Variants in ZMAT4 observed in about 807,000 individuals in gnomAD.
ZMAT4 encodes the protein zinc finger matrin-type protein 4.
Under a neutral mutation model 28.7 loss-of-function variants are expected in ZMAT4, and 17 were observed. That is an observed-to-expected ratio of 0.59 (90% CI 0.41 to 0.89). The LOEUF is 0.89. Among genes scored for constraint, ZMAT4 ranks in the 40% least tolerant of loss-of-function variants. ZMAT4 has a pLI of 0.00. For missense variants in ZMAT4, 240 were observed against 283.8 expected (o/e 0.85, Z 1.11); for synonymous variants, 117 against 109.2 (o/e 1.07, Z -0.44).
At chr8:40,805,385 T>C (rs1324441144) in intron 2 of ZMAT4, among the ~76,000 whole-genome samples, 1 of 149,240 alleles carries the variant, frequency 6.7e-6, no homozygotes, top group Non-Finnish European at 1.5e-5. Flanking sequence ...GTGTGGCAAT[T>C]CCTCAGGGAT....
chr8:40,859,536 C>T (rs760781671), intron 1 of ZMAT4, among the ~76,000 whole-genome samples: 1 of 152,090 alleles, frequency 6.6e-6, no homozygotes, highest in Non-Finnish European at 1.5e-5. Flanking sequence ...AATTACAGGC[C>T]CAGCTATTGC....
intron 1 of ZMAT4, among the ~76,000 whole-genome samples, chr8:40,879,347 C>T (rs1324853933): frequency 6.6e-6 from 1 of 152,152 alleles, no homozygotes; most frequent in Non-Finnish European, 1.5e-5. Context: ...CCCTTGAACC[C>T]AGGACTTCCA....
chr8:40,741,150 T>TA (rs1331575953), intron 3 of ZMAT4, among the ~76,000 whole-genome samples: 1 of 152,018 alleles, frequency 6.6e-6, no homozygotes, highest in Non-Finnish European at 1.5e-5. Flanking sequence ...TGTGAAGGTT[T>TA]AAAAAAGACA....
rs115007315 is a variant in ZMAT4, at chr8:40,620,977, C to T, written c.578-39716G>A. On this transcript the variant is annotated intron_variant, in intron 5 of 6. Coordinates refer to ENST00000297737, the MANE Select transcript of ZMAT4 (RefSeq NM_024645.3). ...AGGAAACTAGTAAAGTCTTGATGGA[C>T]TTATTTATATTCTAATATTAGCAAC... Among the ~76,000 whole-genome samples the T allele has an allele frequency of 2.1e-3, 321 of 152,280 alleles. 1 individual carries two copies. The highest frequency in any genetic ancestry group is 7.2e-3 in the African/African-American group (300 of 41,556).
intron 3 of ZMAT4, among the ~76,000 whole-genome samples, chr8:40,711,327 A>G (rs1810610007): frequency 6.6e-6 from 1 of 152,344 alleles, no homozygotes; most frequent in East Asian, 1.9e-4. Flanking sequence ...ACAGCTTTGC[A>G]ACCTCCAATG....
chr8:40,753,854 T>A (rs1812558741), intron 3 of ZMAT4, among the ~76,000 whole-genome samples: 1 of 152,184 alleles, frequency 6.6e-6, no homozygotes, highest in Non-Finnish European at 1.5e-5. Context: ...AAAGTTCACA[T>A]GAAATTTCTA....
At chr8:40,577,785 TATTA>T (rs1159659050) in intron 6 of ZMAT4, among the ~76,000 whole-genome samples, 1 of 151,810 alleles carries the variant, frequency 6.6e-6, no homozygotes, top group Non-Finnish European at 1.5e-5. Flanking sequence ...AGATTTTAAT[TATTA>T]TTTAATTTAG....
chr8:40,673,543 A>C (rs1808773762), intron 5 of ZMAT4, among the ~76,000 whole-genome samples: 2 of 152,148 alleles, frequency 1.3e-5, no homozygotes, highest in South Asian at 4.1e-4. Context: ...ACTTACACCA[A>C]ATCTGAAGTA....
chr8:40,676,861 AC>A (rs1434581430), intron 4 of ZMAT4, among the ~76,000 whole-genome samples: 1 of 152,138 alleles, frequency 6.6e-6, no homozygotes, highest in African/African-American at 2.4e-5. Flanking sequence ...TCCAGCAGCC[AC>A]CCAGTATCAT....
In ZMAT4 at chr8:40,660,494, C is replaced by T. The variant is rs1304634544; in HGVS notation, c.577+14210G>A. Among the ~76,000 whole-genome samples the T allele has an allele frequency of 4.6e-5, 7 of 152,074 alleles. No individual in the cohort carries two copies. In the East Asian group the frequency reaches 7.7e-4, roughly 17 times the overall value. On this transcript the variant is annotated intron_variant, in intron 5 of 6. Transcript: ENST00000297737. The stretch of plus-strand genomic sequence containing the variant: ...TATCTTCAGTACTGGGTATAGTGCC[C>T]GTTACATAATAACCACCTAATAGGC...
At chr8:40,682,638 T>G (rs544287550) in intron 4 of ZMAT4, among the ~76,000 whole-genome samples, 21 of 152,296 alleles carry the variant, frequency 1.4e-4, no homozygotes, top group Non-Finnish European at 2.9e-4. Context: ...ATTTCACATT[T>G]CCTGAGAATG....
At chr8:40,892,176 G>T (rs1224762092) in intron 1 of ZMAT4, among the ~76,000 whole-genome samples, 3 of 152,164 alleles carry the variant, frequency 2.0e-5, no homozygotes, top group Non-Finnish European at 2.9e-5. Context: ...GTGATCCCAT[G>T]CTATGGGCCC....
At chr8:40,785,166 A>G (rs1387081620) in intron 2 of ZMAT4, among the ~76,000 whole-genome samples, 1 of 152,234 alleles carries the variant, frequency 6.6e-6, no homozygotes, top group Non-Finnish European at 1.5e-5. Context: ...GTATATGTAA[A>G]CAGACCCTTC....
chr8:40,620,191 C>T (rs1490398307), intron 5 of ZMAT4, among the ~76,000 whole-genome samples: 2 of 152,162 alleles, frequency 1.3e-5, no homozygotes, highest in Admixed American at 6.5e-5. Flanking sequence ...GCGTACTGAC[C>T]ACCTTGTAAG....
At position 40,836,062 on chromosome 8, in the gene ZMAT4, C is replaced by T. The variant is rs148607729; in HGVS notation, c.-4-10382G>A. Among the ~76,000 whole-genome samples, 829 of 152,324 alleles carry T rather than the reference C, an allele frequency of 5.4e-3. 1 individual carries two copies. The highest frequency in any genetic ancestry group is 8.4e-3 in the Non-Finnish European group (573 of 68,024). ...CAAATCTCTACACAGCAGCCTCCCC[C>T]GTCCATGAAATCTTTCCGTTAGAAC... On this transcript the variant is annotated intron_variant, in intron 1 of 6. Transcript: ENST00000297737.
At chr8:40,878,793 G>C (rs1289905949) in intron 1 of ZMAT4, among the ~76,000 whole-genome samples, 3 of 152,236 alleles carry the variant, frequency 2.0e-5, no homozygotes, top group Non-Finnish European at 4.4e-5. Flanking sequence ...TTTCCTGGGA[G>C]ATGCCCCCTC....
chr8:40,667,256 C>T (rs960644906), intron 5 of ZMAT4, among the ~76,000 whole-genome samples: 5 of 151,780 alleles, frequency 3.3e-5, no homozygotes, highest in Admixed American at 2.0e-4. Context: ...CCCAGGTTCA[C>T]GCCATTCTCC....
chr8:40,642,261 A>T (rs10094304), intron 5 of ZMAT4, among the ~76,000 whole-genome samples: 1 of 152,142 alleles, frequency 6.6e-6, no homozygotes, highest in East Asian at 1.9e-4. Flanking sequence ...GGCCATAAAA[A>T]AATTCATACC....
intron 2 of ZMAT4, among the ~76,000 whole-genome samples, chr8:40,786,480 C>T (rs879367664): frequency 1.3e-5 from 2 of 151,730 alleles, no homozygotes; most frequent in Non-Finnish European, 2.9e-5. Flanking sequence ...TTCTTCAAAC[C>T]TCTGATGCAT....
Sources: allele counts gnomAD v4.1 joint callset (sites outside exome capture counted in the v4.1 genomes callset), GRCh38; gene constraint gnomAD v4.1.1; transcripts MANE v1.5; gene names NCBI Gene and HGNC (gene_info 2026-07-23, HGNC 2026-07-21).